GSE1: variants seen among roughly 807,000 people sequenced by gnomAD.
GSE1 encodes genetic suppressor element 1.
In GSE1, 32 loss-of-function variants were observed where a neutral mutation model predicts 112.6. That is an observed-to-expected ratio of 0.28 (90% CI 0.21 to 0.38). GSE1 has a LOEUF of 0.38. Among genes scored for constraint, GSE1 ranks in the 10% least tolerant of loss-of-function variants. The pLI is 1.00. For synonymous variants in GSE1, 1,115 were observed against 735.6 expected (o/e 1.52, Z -8.35); for missense variants, 2,348 against 1,699.2 (o/e 1.38, Z -6.71).
intron 1 of GSE1, among the ~76,000 whole-genome samples, chr16:85,348,788 C>T (rs2151555170): frequency 6.6e-6 from 1 of 152,314 alleles, no homozygotes; most frequent in Middle Eastern, 3.4e-3. Context: ...GTCACCTGGC[C>T]AAACTTGAAG....
At chr16:85,353,951 G>A (rs563019435) in intron 1 of GSE1, among the ~76,000 whole-genome samples, 9 of 152,330 alleles carry the variant, frequency 5.9e-5, no homozygotes, top group South Asian at 4.2e-4. Context: ...GGTCGGCTCC[G>A]TGTCTGTTGA....
At chr16:85,546,502 T>G (rs2044707678) in intron 2 of GSE1, among the ~76,000 whole-genome samples, 1 of 152,260 alleles carries the variant, frequency 6.6e-6, no homozygotes, top group Non-Finnish European at 1.5e-5. Context: ...ACCCATATAA[T>G]GTAGGATTGG....
chr16:85,669,180 G>C (rs2053126732), intron 14 of GSE1, among the ~76,000 whole-genome samples: 1 of 152,268 alleles, frequency 6.6e-6, no homozygotes, highest in African/African-American at 2.4e-5. Flanking sequence ...GGGAACAGCA[G>C]AGGTACCCAG....
intron 2 of GSE1, among the ~76,000 whole-genome samples, chr16:85,472,675 G>A (rs1011210218): frequency 7.2e-5 from 11 of 152,234 alleles, no homozygotes; most frequent in African/African-American, 2.7e-4. Context: ...GGAGCCCCAG[G>A]CCTTGCTCAG....
At chr16:85,445,046 G>A (rs1006819248) in intron 2 of GSE1, among the ~76,000 whole-genome samples, 1 of 152,222 alleles carries the variant, frequency 6.6e-6, no homozygotes, top group African/African-American at 2.4e-5. Flanking sequence ...GCAGGGGAGC[G>A]GGGGCTGTCT....
intron 10 of GSE1, 97 bp downstream of exon 10, chr16:85,663,190 G>A (rs569878514): frequency 1.4e-5 from 18 of 1,261,412 alleles, no homozygotes; most frequent in South Asian, 4.9e-5. Flanking sequence ...AGGTTCCTCC[G>A]AAGTCCTGGC....
intron 1 of GSE1, among the ~76,000 whole-genome samples, chr16:85,604,848 C>G (rs1239229871): frequency 3.4e-5 from 1 of 29,504 alleles, no homozygotes; most frequent in Non-Finnish European, 5.5e-5. Flanking sequence ...GATGGAGTCT[C>G]GCTCTGTCGC....
At chr16:85,322,707 C>T (rs1188466457) in intron 1 of GSE1, among the ~76,000 whole-genome samples, 2 of 151,972 alleles carry the variant, frequency 1.3e-5, no homozygotes, top group African/African-American at 4.8e-5. Context: ...CCTCTACCTC[C>T]CGAGTTCAAG....
chr16:85,320,497 G>T (rs1177157895), intron 1 of GSE1, among the ~76,000 whole-genome samples: 1 of 150,550 alleles, frequency 6.6e-6, no homozygotes, highest in South Asian at 2.1e-4. Flanking sequence ...GTCTCTCTAT[G>T]TTGCCCAGGC....
chr16:85,511,351 A>G (rs999042074), intron 2 of GSE1, among the ~76,000 whole-genome samples: 1 of 152,136 alleles, frequency 6.6e-6, no homozygotes, highest in East Asian at 1.9e-4. Context: ...ACATGGAGAA[A>G]CCCTGTCTCT....
At chr16:85,522,850 G>T (rs1055690158) in intron 2 of GSE1, among the ~76,000 whole-genome samples, 2 of 151,980 alleles carry the variant, frequency 1.3e-5, no homozygotes, top group Non-Finnish European at 2.9e-5. Context: ...GTTGTGTATG[G>T]GTGTGTGTTG....
intron 2 of GSE1, among the ~76,000 whole-genome samples, chr16:85,550,391 A>G (rs918722811): frequency 2.0e-5 from 3 of 152,178 alleles, no homozygotes; most frequent in Non-Finnish European, 4.4e-5. Context: ...TGCGCTATCC[A>G]GGAAAAGTGC....
rs556129864 is a variant in GSE1, at chr16:85,363,473, C to T, written c.2464+5830C>T. On this transcript the variant is annotated intron_variant, in intron 2 of 2. Coordinates refer to the GSE1 transcript ENST00000637419. Reference sequence around the variant, plus strand: ...CCCTGGCCGACCAGGACTGGACTTGCGTTCCCTATACATGGGTGTCAGAGC... The same window carrying T: ...CCCTGGCCGACCAGGACTGGACTTGTGTTCCCTATACATGGGTGTCAGAGC... Among the ~76,000 whole-genome samples, 108 of 152,308 alleles carry T rather than the reference C, an allele frequency of 7.1e-4. 1 individual carries two copies. Among genetic ancestry groups the T allele is most frequent in the African/African-American group, 2.5e-3 (104 of 41,576 alleles).
intron 1 of GSE1, among the ~76,000 whole-genome samples, chr16:85,301,620 G>A (rs968918670): frequency 1.3e-5 from 2 of 152,232 alleles, no homozygotes; most frequent in African/African-American, 2.4e-5. Context: ...AACAGGGACA[G>A]TGCTTTCTAA....
chr16:85,322,233 C>T (rs149133070), intron 1 of GSE1, among the ~76,000 whole-genome samples: 112 of 152,186 alleles, frequency 7.4e-4, no homozygotes, highest in Non-Finnish European at 1.4e-3. Context: ...GCGGCCTCTG[C>T]CATCCCTGGA....
intron 1 of GSE1, among the ~76,000 whole-genome samples, chr16:85,246,037 G>A (rs114320342): frequency 1.3e-5 from 2 of 151,724 alleles, no homozygotes; most frequent in South Asian, 4.2e-4. Context: ...GGGGTTGTCT[G>A]CATGTGTTAG....
At chr16:85,450,337 C>G (rs1053089756) in intron 2 of GSE1, among the ~76,000 whole-genome samples, 2 of 151,396 alleles carry the variant, frequency 1.3e-5, no homozygotes, top group Non-Finnish European at 2.9e-5. Flanking sequence ...AGGCTGGTCT[C>G]GAACTCCCGA....
Position 85,516,397 on chromosome 16 carries a change from A to G in GSE1, c.2465-117517A>G, listed in dbSNP as rs74031830. 2.9e-3 allele frequency among the ~76,000 whole-genome samples: 439 copies of G among 150,128 alleles called. 1 individual carries two copies. The highest frequency in any genetic ancestry group is 9.8e-3 in the African/African-American group (400 of 40,634). The stretch of plus-strand genomic sequence containing the variant: ...GTGGCCCGGGGTGGTGGATATTTCA[A>G]CAATGATTAAATATTCCCTGGAGAT... On this transcript the variant is annotated intron_variant, in intron 2 of 2. Coordinates refer to the GSE1 transcript ENST00000637419.
intron 1 of GSE1, among the ~76,000 whole-genome samples, chr16:85,595,969 C>T (rs2047208926): frequency 8.3e-6 from 1 of 120,278 alleles, no homozygotes. Flanking sequence ...CCCACCCATT[C>T]CTCTATCCAC....
Sources: gnomAD v4.1 joint callset for allele counts (sites outside exome capture counted in the v4.1 genomes callset) on GRCh38, gnomAD v4.1.1 for gene constraint, MANE v1.5 for transcripts, NCBI Gene and HGNC (gene_info 2026-07-23, HGNC 2026-07-21) for gene names.